DLGAP2: variants seen among roughly 807,000 people sequenced by gnomAD.
The protein encoded by DLGAP2 is disks large-associated protein 2.
In DLGAP2, 26 loss-of-function variants were observed where a neutral mutation model predicts 100.3. The ratio of observed to expected loss-of-function variants is 0.26; its 90% CI spans 0.19 to 0.36. DLGAP2 has a LOEUF of 0.36. DLGAP2 is among the 10% of genes least tolerant of loss of function. DLGAP2 has a pLI of 1.00. For missense variants in DLGAP2, 1,858 were observed against 1,453.2 expected (o/e 1.28, Z -4.53); for synonymous variants, 886 against 630.1 (o/e 1.41, Z -6.08).
At chr8:864,501 C>T (rs1432954143) in intron 1 of DLGAP2, among the ~76,000 whole-genome samples, 2 of 152,144 alleles carry the variant, frequency 1.3e-5, no homozygotes, top group Non-Finnish European at 2.9e-5. Flanking sequence ...CCTCACTATT[C>T]TGGGACATCT....
chr8:1,689,878 G>T (rs115506553), intron 12 of DLGAP2, among the ~76,000 whole-genome samples: 2 of 152,196 alleles, frequency 1.3e-5, no homozygotes, highest in African/African-American at 4.8e-5. Flanking sequence ...TACTGGGCAC[G>T]CTCTATGGAA....
At chr8:979,032 A>G (rs1389659769) in intron 2 of DLGAP2, among the ~76,000 whole-genome samples, 2 of 152,104 alleles carry the variant, frequency 1.3e-5, no homozygotes, top group Non-Finnish European at 2.9e-5. Context: ...CCCACACTTC[A>G]TTCTCCGCAG....
At chr8:1,456,269 T>G (rs1425897513) in intron 3 of DLGAP2, among the ~76,000 whole-genome samples, 2 of 152,188 alleles carry the variant, frequency 1.3e-5, no homozygotes, top group Non-Finnish European at 2.9e-5. Flanking sequence ...ATTGGCAGCA[T>G]TGTGGGTTAC....
intron 3 of DLGAP2, among the ~76,000 whole-genome samples, chr8:1,421,737 G>A (rs1797092382): frequency 6.6e-6 from 1 of 152,160 alleles, no homozygotes; most frequent in African/African-American, 2.4e-5. Context: ...AGGCTGAGGT[G>A]GGTGGATCAC....
intron 3 of DLGAP2, among the ~76,000 whole-genome samples, chr8:1,305,887 T>A (rs141341729): frequency 5.9e-5 from 9 of 152,306 alleles, no homozygotes; most frequent in African/African-American, 2.2e-4. Flanking sequence ...CCTCTACTTA[T>A]GTGCTTTTAT....
At chr8:1,166,030 C>T (rs909762797) in intron 2 of DLGAP2, among the ~76,000 whole-genome samples, 1 of 152,170 alleles carries the variant, frequency 6.6e-6, no homozygotes, top group Non-Finnish European at 1.5e-5. Context: ...TGAATAATCT[C>T]CCGTCAGTAA....
intron 3 of DLGAP2, among the ~76,000 whole-genome samples, chr8:1,465,942 G>C (rs1290342271): frequency 1.3e-5 from 2 of 152,204 alleles, no homozygotes; most frequent in Admixed American, 6.5e-5. Flanking sequence ...CTGCCTTGGG[G>C]AGAGAAAGGA....
chr8:752,248 G>C (rs1820810438), intron 1 of DLGAP2, among the ~76,000 whole-genome samples: 1 of 152,242 alleles, frequency 6.6e-6, no homozygotes, highest in Non-Finnish European at 1.5e-5. Flanking sequence ...ATGAAGCAGA[G>C]AGGGAGAGGA....
At chr8:1,255,213 TCA>T in intron 2 of DLGAP2, among the ~76,000 whole-genome samples, 1 of 87,558 alleles carries the variant, frequency 1.1e-5, no homozygotes, top group South Asian at 5.4e-4. Context: ...GTGTGCCCTC[TCA>T]TCCTGCCTGG....
At chr8:1,323,624 G>A (rs538638985) in intron 3 of DLGAP2, among the ~76,000 whole-genome samples, 74 of 152,298 alleles carry the variant, frequency 4.9e-4, no homozygotes, top group African/African-American at 1.6e-3. Flanking sequence ...GATACGGAGC[G>A]GGCAGCAATG....
chr8:1,222,303 G>A (rs1015108206), intron 2 of DLGAP2, among the ~76,000 whole-genome samples: 5 of 152,178 alleles, frequency 3.3e-5, no homozygotes, highest in African/African-American at 1.2e-4. Flanking sequence ...TGTGGTATAA[G>A]CTGGGCTCAG....
At chr8:1,467,013 G>GT (rs974423553) in intron 3 of DLGAP2, among the ~76,000 whole-genome samples, 1 of 150,454 alleles carries the variant, frequency 6.6e-6, no homozygotes, top group African/African-American at 2.5e-5. Context: ...CTTCAAGAAA[G>GT]TGGGGGGGAT....
intron 3 of DLGAP2, among the ~76,000 whole-genome samples, chr8:1,482,549 C>T (rs1471948528): frequency 6.6e-6 from 1 of 152,250 alleles, no homozygotes; most frequent in Non-Finnish European, 1.5e-5. Flanking sequence ...TTGTAGTTAA[C>T]AAAAAAGGCT....
At chr8:1,253,249 G>A (rs1263562588) in intron 2 of DLGAP2, among the ~76,000 whole-genome samples, 4 of 152,220 alleles carry the variant, frequency 2.6e-5, no homozygotes, top group African/African-American at 4.8e-5. Flanking sequence ...CACCACGCAG[G>A]GCTGCAGCCG....
intron 6 of DLGAP2, among the ~76,000 whole-genome samples, chr8:1,570,152 A>G (rs993259243): frequency 6.6e-6 from 1 of 152,248 alleles, no homozygotes; most frequent in Non-Finnish European, 1.5e-5. Context: ...TGTCAGAAGC[A>G]CATCATAGGG....
intron 11 of DLGAP2, 37 bp downstream of exon 11, chr8:1,676,655 G>A: frequency 6.3e-7 from 1 of 1,581,540 alleles, no homozygotes; most frequent in Non-Finnish European, 8.6e-7. Context: ...TGACCCCCGA[G>A]CGAGGGCTCT....
At chr8:919,686 C>T (rs1354253313) in intron 2 of DLGAP2, among the ~76,000 whole-genome samples, 2 of 152,142 alleles carry the variant, frequency 1.3e-5, no homozygotes, top group African/African-American at 4.8e-5. Context: ...GAAACTGCAC[C>T]AGGGAAGATG....
In DLGAP2 at chr8:1,630,885, C is replaced by G. The variant is rs191957764; in HGVS notation, c.1591-1942C>G. ...GCAGCTCATGTCCCGAGGGTCTCGG[C>G]GGGAGGTCCGGGTGTCCCGAGGGTC... On this transcript the variant is annotated intron_variant, in intron 7 of 14. Coordinates refer to ENST00000637795, the MANE Select transcript of DLGAP2 (RefSeq NM_001346810.2). Among the ~76,000 whole-genome samples the G allele has an allele frequency of 1.9e-3, 269 of 139,176 alleles. 2 individuals carry two copies. The highest frequency in any genetic ancestry group is 7.8e-3 in the African/African-American group (233 of 29,988). 91.3% of individuals were successfully genotyped at this position (139,176 alleles called of 152,430 possible).
chr8:1,062,904 A>G (rs1803129614), intron 2 of DLGAP2, among the ~76,000 whole-genome samples: 1 of 152,178 alleles, frequency 6.6e-6, no homozygotes, highest in African/African-American at 2.4e-5. Flanking sequence ...TACTGGAGCA[A>G]TTTGTAACGC....
Sources: gnomAD v4.1 joint callset for allele counts (sites outside exome capture counted in the v4.1 genomes callset) on GRCh38, gnomAD v4.1.1 for gene constraint, MANE v1.5 for transcripts, NCBI Gene and HGNC (gene_info 2026-07-23, HGNC 2026-07-21) for gene names.